ZFAT: variants seen among roughly 807,000 people sequenced by gnomAD.
ZFAT encodes the protein zinc finger and AT-hook domain containing.
A neutral mutation model predicts 117.7 loss-of-function variants in ZFAT; 64 were observed. The observed-to-expected ratio is 0.54, with a 90% CI of 0.44 to 0.67. The LOEUF (loss-of-function observed/expected upper bound fraction) is 0.67, where lower values mean the gene tolerates loss of function less well. Among genes scored for constraint, ZFAT ranks in the 30% least tolerant of loss-of-function variants. ZFAT has a pLI of 0.00. For missense variants in ZFAT, 1,433 were observed against 1,584.5 expected (o/e 0.90, Z 1.62); for synonymous variants, 679 against 615.0 (o/e 1.10, Z -1.54).
At chr8:134,787,497 A>C in the ZFAT span, among the ~76,000 whole-genome samples, 2 of 152,054 alleles carry the variant, frequency 1.3e-5, no homozygotes, top group Non-Finnish European at 2.9e-5. Context: ...ACTTTGTTCT[A>C]TTTTGTTCTA....
chr8:134,809,138 A>C, the ZFAT span, among the ~76,000 whole-genome samples: 1 of 152,208 alleles, frequency 6.6e-6, no homozygotes, highest in Non-Finnish European at 1.5e-5. Flanking sequence ...AAGCATCATC[A>C]TATACTCACA....
the ZFAT span, among the ~76,000 whole-genome samples, chr8:134,747,267 T>G: frequency 6.6e-6 from 1 of 151,544 alleles, no homozygotes; most frequent in South Asian, 2.1e-4. Context: ...TTTTAAAAAT[T>G]TTTATACAGA....
chr8:134,708,189 T>C (rs1813857158), intron 1 of ZFAT, among the ~76,000 whole-genome samples: 1 of 152,142 alleles, frequency 6.6e-6, no homozygotes, highest in African/African-American at 2.4e-5. Flanking sequence ...CCTGAAGGTG[T>C]AGGAAGAAAT....
chr8:134,577,531 C>T (rs1413997325), intron 10 of ZFAT, among the ~76,000 whole-genome samples: 2 of 152,242 alleles, frequency 1.3e-5, no homozygotes, highest in African/African-American at 4.8e-5. Context: ...GAGAAAATCA[C>T]TGACACTTTG....
chr8:134,565,165 A>C lies in ZFAT; in HGVS notation c.2976+168T>G, dbSNP rs778817474. On this transcript the variant is annotated intron_variant, in intron 11 of 15. Transcript: ENST00000377838. ...CAATGCTACGCTTCTGGAACGAGAG[A>C]GCACAAATAAGCTGCACTATGCCTC... 3 of 1,532,960 alleles carry C rather than the reference A, an allele frequency of 2.0e-6. No individual in the cohort carries two copies. The East Asian group carries it at 7.4e-5, about 38-fold the overall frequency. The allele number at this position is 1,532,960 out of a possible 1,614,324, so 95.0% of individuals were successfully genotyped here.
At chr8:134,593,923 G>A (rs974023545) in intron 7 of ZFAT, among the ~76,000 whole-genome samples, 4 of 152,188 alleles carry the variant, frequency 2.6e-5, no homozygotes, top group African/African-American at 9.7e-5. Context: ...GTGTCAACAC[G>A]TGGAACCCAA....
intron 12 of ZFAT, among the ~76,000 whole-genome samples, chr8:134,522,355 T>C (rs940438682): frequency 3.3e-5 from 5 of 152,206 alleles, no homozygotes; most frequent in African/African-American, 1.2e-4. Context: ...TCCCCACCAT[T>C]TCACAATCTG....
chr8:134,782,567 G>T, the ZFAT span, among the ~76,000 whole-genome samples: 1 of 152,030 alleles, frequency 6.6e-6, no homozygotes, highest in South Asian at 2.1e-4. Context: ...CCTGAGATAT[G>T]AACCCGGTGG....
intron 1 of ZFAT, among the ~76,000 whole-genome samples, chr8:134,660,330 T>C (rs1283968673): frequency 6.6e-6 from 1 of 152,200 alleles, no homozygotes. Context: ...AAGTTATAGC[T>C]AAAATACTTA....
At chr8:134,823,570 C>A in the ZFAT span, among the ~76,000 whole-genome samples, 1 of 152,180 alleles carries the variant, frequency 6.6e-6, no homozygotes, top group African/African-American at 2.4e-5. Flanking sequence ...GACAACACAG[C>A]TACTGAGAGA....
intron 10 of ZFAT, among the ~76,000 whole-genome samples, chr8:134,581,109 A>C (rs560096150): frequency 1.3e-5 from 2 of 152,296 alleles, no homozygotes; most frequent in South Asian, 4.1e-4. Flanking sequence ...ATGTAAATAA[A>C]CTTTTTTCAA....
chr8:134,507,559 A>T (rs568878177), intron 15 of ZFAT, among the ~76,000 whole-genome samples: 1 of 152,234 alleles, frequency 6.6e-6, no homozygotes, highest in East Asian at 1.9e-4. Context: ...GAAGGGCGGC[A>T]CTGTTTTCTC....
intron 11 of ZFAT, among the ~76,000 whole-genome samples, chr8:134,557,640 G>A (rs1823746778): frequency 6.6e-6 from 1 of 151,982 alleles, no homozygotes; most frequent in African/African-American, 2.4e-5. Flanking sequence ...AGATAAAATG[G>A]AATACTAAAA....
rs567370397 is a variant in ZFAT at position 134,493,866 on chromosome 8, C to T, written c.3493-15145G>A. Among the ~76,000 whole-genome samples the T allele has an allele frequency of 7.2e-5, 11 of 152,320 alleles. No homozygotes were observed. In the South Asian group the frequency reaches 2.3e-3, roughly 32 times the overall value. ...GCTTATAGTAGGCACTCAATAAACA[C>T]TGAATTGAATTATTCAAATGTGGAC... is the stretch of plus-strand genomic sequence containing the variant. On this transcript the variant is annotated intron_variant, in intron 15 of 15. Transcript: ENST00000377838.
At chr8:134,826,768 C>T in the ZFAT span, among the ~76,000 whole-genome samples, 2 of 152,150 alleles carry the variant, frequency 1.3e-5, no homozygotes, top group African/African-American at 4.8e-5. Context: ...GTGAAAATTG[C>T]AATAACCTTT....
At chr8:134,616,359 C>A (rs375787446) in intron 3 of ZFAT, among the ~76,000 whole-genome samples, 1 of 152,228 alleles carries the variant, frequency 6.6e-6, no homozygotes, top group South Asian at 2.1e-4. Flanking sequence ...CCAAAGTCCT[C>A]GTTCCCATTT....
At chr8:134,617,060 C>G (rs955686699) in intron 3 of ZFAT, among the ~76,000 whole-genome samples, 1 of 152,244 alleles carries the variant, frequency 6.6e-6, no homozygotes, top group African/African-American at 2.4e-5. Flanking sequence ...CCACACACCA[C>G]AGCTACTCTC....
chr8:134,685,891 C>T (rs947758268), intron 1 of ZFAT, among the ~76,000 whole-genome samples: 3 of 152,230 alleles, frequency 2.0e-5, no homozygotes, highest in African/African-American at 7.2e-5. Flanking sequence ...TTCACATTAA[C>T]CCAGTAAGTG....
At chr8:134,753,232 C>CCAACAA in the ZFAT span, among the ~76,000 whole-genome samples, 32 of 149,828 alleles carry the variant, frequency 2.1e-4, no homozygotes, top group East Asian at 5.9e-4. Context: ...AACGAACCAA[C>CCAACAA]CAACAACAAC....
Sources: gnomAD v4.1 joint callset for allele counts (sites outside exome capture counted in the v4.1 genomes callset) on GRCh38, gnomAD v4.1.1 for gene constraint, MANE v1.5 for transcripts, NCBI Gene and HGNC (gene_info 2026-07-23, HGNC 2026-07-21) for gene names.